The following SLC39A10 variants were observed in gnomAD, a reference collection of about 807,000 sequenced individuals.
SLC39A10 encodes the protein solute carrier family 39 member 10.
A neutral mutation model predicts 65.1 loss-of-function variants in SLC39A10; 13 were observed. That is an observed-to-expected ratio of 0.20 (90% confidence interval 0.13 to 0.32). SLC39A10 has a LOEUF of 0.32. SLC39A10 is among the 10% of genes least tolerant of loss of function. SLC39A10 has a pLI of 1.00. For synonymous variants in SLC39A10, 321 were observed against 342.2 expected (o/e 0.94, Z 0.68); for missense variants, 831 against 1,018.4 (o/e 0.82, Z 2.50).
chr2:195,729,109 C>T (rs1692343473), intron 9 of SLC39A10, among the ~76,000 whole-genome samples: 1 of 151,496 alleles, frequency 6.6e-6, no homozygotes, highest in East Asian at 1.9e-4. Flanking sequence ...GTAGCTAGGA[C>T]TACACATACC....
At chr2:195,615,162 T>C (rs1688178546) in intron 2 of SLC39A10, among the ~76,000 whole-genome samples, 1 of 152,194 alleles carries the variant, frequency 6.6e-6, no homozygotes, top group South Asian at 2.1e-4. Flanking sequence ...GATAAAGTTC[T>C]CTAGAGCAGA....
At chr2:195,679,960 C>G (rs745318139) in intron 1 of SLC39A10, 72 bp from the exon 2 acceptor site, 10 of 1,301,320 alleles carry the variant, frequency 7.7e-6, no homozygotes, top group Non-Finnish European at 1.0e-5. Flanking sequence ...TTGGCAACTT[C>G]CAGAGAATTA....
chr2:195,709,601 C>T (rs1018111527), intron 5 of SLC39A10, among the ~76,000 whole-genome samples: 10 of 152,096 alleles, frequency 6.6e-5, no homozygotes, highest in Non-Finnish European at 1.3e-4. Context: ...GTCTTGAACT[C>T]CTGGGTTCAA....
intron 3 of SLC39A10, among the ~76,000 whole-genome samples, chr2:195,692,126 T>A (rs1436907368): frequency 6.6e-6 from 1 of 152,176 alleles, no homozygotes; most frequent in Non-Finnish European, 1.5e-5. Context: ...CCACTTTATG[T>A]TTTTGTTGGC....
intron 8 of SLC39A10, among the ~76,000 whole-genome samples, chr2:195,721,635 C>T (rs1692044972): frequency 6.6e-6 from 1 of 152,136 alleles, no homozygotes; most frequent in Admixed American, 6.5e-5. Context: ...TGCTGTTGGT[C>T]TATCACATAC....
At chr2:195,640,357 C>T (rs529498844) in intron 2 of SLC39A10, among the ~76,000 whole-genome samples, 49 of 141,098 alleles carry the variant, frequency 3.5e-4, no homozygotes, top group African/African-American at 1.2e-3. Flanking sequence ...AAAAAAAAAA[C>T]CTTAAAAATC....
chr2:195,629,264 G>T (rs1166625404), intron 2 of SLC39A10, among the ~76,000 whole-genome samples: 1 of 151,826 alleles, frequency 6.6e-6, no homozygotes, highest in Non-Finnish European at 1.5e-5. Flanking sequence ...TGTGGTGGCG[G>T]GTGCCTGTAG....
intron 2 of SLC39A10, among the ~76,000 whole-genome samples, chr2:195,640,171 G>C (rs1020514130): frequency 4.6e-5 from 7 of 152,088 alleles, no homozygotes; most frequent in Admixed American, 6.5e-5. Context: ...AGTACGTTGA[G>C]AAGTAAATAA....
At chr2:195,621,506 T>C (rs1189851443) in intron 2 of SLC39A10, among the ~76,000 whole-genome samples, 1 of 152,214 alleles carries the variant, frequency 6.6e-6, no homozygotes, top group African/African-American at 2.4e-5. Flanking sequence ...TTTTTATCTT[T>C]GTGGAATTCA....
chr2:195,713,885 G>C (rs1691688084), intron 6 of SLC39A10, among the ~76,000 whole-genome samples: 1 of 151,770 alleles, frequency 6.6e-6, no homozygotes, highest in South Asian at 2.1e-4. Flanking sequence ...ACAAGAAAAA[G>C]TACTGTATTA....
intron 8 of SLC39A10, among the ~76,000 whole-genome samples, chr2:195,719,224 G>A (rs1421593348): frequency 1.3e-5 from 2 of 151,422 alleles, no homozygotes; most frequent in Admixed American, 1.3e-4. Context: ...AGGGAAATGG[G>A]TTACTTCCTC....
intron 2 of SLC39A10, among the ~76,000 whole-genome samples, chr2:195,615,811 A>G (rs1688194473): frequency 6.6e-6 from 1 of 152,250 alleles, no homozygotes; most frequent in Non-Finnish European, 1.5e-5. Flanking sequence ...TTAAAAAATT[A>G]TTCTAACATT....
chr2:195,635,698 A>AACC (rs2105700869), intron 2 of SLC39A10, among the ~76,000 whole-genome samples: 1 of 110,434 alleles, frequency 9.1e-6, no homozygotes, highest in South Asian at 3.2e-4. Context: ...TTTTTGTGGA[A>AACC]CCCCCCCCAC....
intron 9 of SLC39A10, among the ~76,000 whole-genome samples, chr2:195,734,226 A>G (rs1363039674): frequency 6.7e-6 from 1 of 148,164 alleles, no homozygotes; most frequent in Non-Finnish European, 1.5e-5. Flanking sequence ...GCTGGAGTGC[A>G]GTGGTGTGAT....
chr2:195,659,730 T>C (rs1443046576), intron 1 of SLC39A10, among the ~76,000 whole-genome samples: 1 of 152,224 alleles, frequency 6.6e-6, no homozygotes, highest in Non-Finnish European at 1.5e-5. Flanking sequence ...ACTCACGGAC[T>C]TAACTGTGAC....
At chr2:195,678,663 A>C (rs1160692970) in intron 1 of SLC39A10, among the ~76,000 whole-genome samples, 1 of 150,948 alleles carries the variant, frequency 6.6e-6, no homozygotes, top group Non-Finnish European at 1.5e-5. Flanking sequence ...TCTTAAAATT[A>C]GTCTCCCAAA....
At chr2:195,723,515 C>T (rs948745011) in intron 8 of SLC39A10, among the ~76,000 whole-genome samples, 6 of 152,118 alleles carry the variant, frequency 3.9e-5, no homozygotes, top group Non-Finnish European at 8.8e-5. Flanking sequence ...TCTGCACTCT[C>T]AGAACAGCCC....
At position 195,708,692 on chromosome 2, in the gene SLC39A10, C is replaced by T; in HGVS notation, c.1423C>T (p.His475Tyr). 6.2e-7 allele frequency: 1 copy of T among 1,610,232 alleles called. No homozygotes were observed. Among genetic ancestry groups the T allele is most frequent in the East Asian group, 2.2e-5 (1 of 44,732 alleles). ...GGHDHSHQHAHGHGHSHGHES... is the reference protein window; with the variant it reads ...GGHDHSHQHAYGHGHSHGHES... ...ACATGATCACAGTCACCAACATGCACATGGGCATGGACATTCTCATGGACA... is the reference window on the plus strand; with the variant it reads ...ACATGATCACAGTCACCAACATGCATATGGGCATGGACATTCTCATGGACA... The change falls in exon 5 of 10, where the codon CAT (histidine) becomes TAT (tyrosine). Residue 475 changes from histidine to tyrosine, a missense_variant. This residue lies in a region of SLC39A10 where 230 missense variants were observed against 242.9 expected (regional missense o/e 0.95). Coordinates refer to ENST00000359634, the MANE Select transcript of SLC39A10 (RefSeq NM_020342.3).
chr2:195,718,830 A>G (rs1172183342), intron 8 of SLC39A10, among the ~76,000 whole-genome samples: 1 of 152,128 alleles, frequency 6.6e-6, no homozygotes, highest in Admixed American at 6.5e-5. Flanking sequence ...AAAGATAGAT[A>G]GGTTCTTAAC....
Sources: gnomAD v4.1 joint callset for allele counts (sites outside exome capture counted in the v4.1 genomes callset) on GRCh38, gnomAD v4.1.1 for gene constraint, gnomAD v4.1.1 regional missense constraint, MANE v1.5 for transcripts, NCBI Gene and HGNC (gene_info 2026-07-23, HGNC 2026-07-21) for gene names.